The following ZNF181 variants were observed in gnomAD, a reference collection of about 807,000 sequenced individuals.
The protein encoded by ZNF181 is zinc finger protein 181.
In ZNF181, 8 loss-of-function variants were observed where a neutral mutation model predicts 11.9. That is an observed-to-expected ratio of 0.67 (90% CI 0.39 to 1.21). The LOEUF (loss-of-function observed/expected upper bound fraction) is 1.21, where lower values mean the gene tolerates loss of function less well. Among genes scored for constraint, ZNF181 ranks in the 50% most tolerant of loss-of-function variants. The probability of loss-of-function intolerance (pLI) is 0.01; values close to 1 mark genes in which losing one functional copy is unlikely to be tolerated. For synonymous variants in ZNF181, 202 were observed against 221.1 expected (o/e 0.91, Z 0.77); for missense variants, 542 against 670.9 (o/e 0.81, Z 2.12).
chr19:34,739,431 G>T, intron 2 of ZNF181, 92 bp from the exon 3 acceptor site: 1 of 1,575,562 alleles, frequency 6.3e-7, no homozygotes, highest in South Asian at 1.1e-5. Flanking sequence ...CCATTTCGAT[G>T]AATACCCTTC....
At position 34,741,941 on chromosome 19, in the gene ZNF181, T is replaced by C; in HGVS notation, c.1560T>C (p.Asn520=). 1.9e-6 allele frequency: 3 copies of C among 1,613,820 alleles called. No homozygotes were observed. The highest frequency in any genetic ancestry group is 2.2e-5 in the South Asian group (2 of 91,066). The part of the protein sequence containing the change: ...IHTGEKPYKC[N]ECGKAFSKGS... ...CTGGAGAAAAGCCATATAAATGTAA[T>C]GAGTGTGGGAAAGCTTTTAGCAAAG... Residue 520 remains asparagine (N), a synonymous_variant, in exon 4 of 4, where the codon AAT becomes AAC. Transcript: ENST00000492450.
intron 1 of ZNF181, chr19:34,736,253 A>G (rs1448334589): frequency 1.5e-6 from 1 of 687,142 alleles, no homozygotes; most frequent in African/African-American, 1.8e-5. Context: ...TTCTTGGAGA[A>G]GTTAGATAAT....
rs1353232953 is a variant in ZNF181, at chr19:34,734,849, G to A, written c.-189G>A. The A allele has an allele frequency of 1.0e-5, 6 of 586,530 alleles. No individual in the cohort carries two copies. The highest frequency in any genetic ancestry group is 5.8e-5 in the East Asian group (2 of 34,634). The allele number at this position is 586,530 out of a possible 1,614,324, so 36.3% of individuals were successfully genotyped here. On this transcript the variant is annotated 5_prime_UTR_variant, in exon 1 of 4. Transcript: ENST00000492450. Reference sequence around the variant, plus strand: ...GGAGAAACACCCTGTTAGTTCCCAGGGAGAGATTGGCGCCCTGGAGAGTGA... The same window carrying A: ...GGAGAAACACCCTGTTAGTTCCCAGAGAGAGATTGGCGCCCTGGAGAGTGA...
intron 1 of ZNF181, chr19:34,736,232 T>C: frequency 1.4e-6 from 1 of 694,610 alleles, no homozygotes; most frequent in Non-Finnish European, 2.6e-6. Context: ...ACATGTTGGG[T>C]GAAGTCTGTT....
chr19:34,740,794 T>G lies in ZNF181; in HGVS notation c.413T>G (p.Phe138Cys), dbSNP rs2068958209. ...AAGCATGGAAGTCAGGTAGACCATT[T>G]CAGACCAGCAATTCTCACCTCTAGA... ...EGKHGSQVDH[F>C]RPAILTSRES... The change falls in exon 4 of 4, where the codon TTC becomes TGC. Residue 138 changes from phenylalanine to cysteine, a missense_variant. By Grantham distance (205) the Phe-to-Cys change is radical. Coordinates refer to ENST00000492450, the MANE Select transcript of ZNF181 (RefSeq NM_001029997.4). 6.2e-7 allele frequency: 1 copy of G among 1,613,944 alleles called. No homozygotes were observed. Among genetic ancestry groups the G allele is most frequent in the Admixed American group, 1.7e-5 (1 of 59,972 alleles).
In ZNF181 at chr19:34,741,917, T is replaced by A; in HGVS notation, c.1536T>A (p.Thr512=). 1 of 1,613,876 alleles carries A rather than the reference T, an allele frequency of 6.2e-7. No individual in the cohort carries two copies. The highest frequency in any genetic ancestry group is 8.5e-7 in the Non-Finnish European group (1 of 1,179,898). ...SNLTVHQRIH[T]GEKPYKCNEC... ...TTACCGTACATCAGAGAATTCACAC[T>A]GGAGAAAAGCCATATAAATGTAATG... Residue 512 remains threonine, a synonymous_variant, in exon 4 of 4, where the codon ACT becomes ACA. Transcript: ENST00000492450.
chr19:34,739,751 A>G, intron 3 of ZNF181, 130 bp downstream of exon 3: 2 of 943,284 alleles, frequency 2.1e-6, no homozygotes, highest in Admixed American at 5.3e-5. Flanking sequence ...AGAAATGAAA[A>G]ATTGTGGGAT....
chr19:34,737,598 T>C (rs1667974355), intron 1 of ZNF181, among the ~76,000 whole-genome samples: 1 of 152,142 alleles, frequency 6.6e-6, no homozygotes, highest in Admixed American at 6.5e-5. Flanking sequence ...ATTTCCTTAT[T>C]TTCTTTGAAA....
intron 1 of ZNF181, chr19:34,736,235 A>C (rs759635013): frequency 2.9e-6 from 2 of 692,752 alleles, no homozygotes; most frequent in Non-Finnish European, 5.3e-6. Context: ...TGTTGGGTGA[A>C]GTCTGTTTTC....
intron 1 of ZNF181, among the ~76,000 whole-genome samples, chr19:34,738,490 A>G (rs867209189): frequency 1.3e-5 from 2 of 152,146 alleles, no homozygotes; most frequent in Admixed American, 6.5e-5. Context: ...GGGGGTCACA[A>G]TCAAACCATA....
At position 34,743,341 on chromosome 19, in the gene ZNF181, T is replaced by G. The variant is rs2069007132; in HGVS notation, c.*1244T>G. 6.6e-6 allele frequency: 1 copy of G among 152,192 alleles called. No homozygotes were observed. Among genetic ancestry groups the G allele is most frequent in the African/African-American group, 2.4e-5 (1 of 41,452 alleles). 9.4% of individuals were successfully genotyped at this position (152,192 alleles called of 1,614,324 possible). On this transcript the variant is annotated 3_prime_UTR_variant, in exon 4 of 4. Transcript: ENST00000492450. The stretch of plus-strand genomic sequence containing the variant: ...GATGTTATCTGACAAGAAAGATGGA[T>G]AGCAAATAAATTTGAAATAATGGTT...
chr19:34,741,344 T>A lies in ZNF181; in HGVS notation c.963T>A (p.Tyr321Ter), dbSNP rs888845341. The A allele has an allele frequency of 1.5e-5, 25 of 1,613,746 alleles. No individual in the cohort carries two copies. Among genetic ancestry groups the A allele is most frequent in the Non-Finnish European group, 2.0e-5 (24 of 1,179,802 alleles). ...GCACTCACACTGGAGAGAAACCATA[T>A]GAATGTATGAACTGTGGAAAGTCTT... Reference protein sequence around the residue: ...HQSTHTGEKPYECMNCGKSFS... With the variant: ...HQSTHTGEKP Residue 321 changes from tyrosine (Y) to a stop codon, truncating the protein, a stop_gained, in exon 4 of 4, where the codon TAT becomes TAA. Transcript: ENST00000492450. LOFTEE classifies it low-confidence loss of function (END_TRUNC).
chr19:34,734,796 T>G lies in ZNF181; in HGVS notation c.-242T>G. 2 of 508,888 alleles carry G rather than the reference T, an allele frequency of 3.9e-6. No individual in the cohort carries two copies. Among genetic ancestry groups the G allele is most frequent in the Middle Eastern group, 1.0e-3 (2 of 1,952 alleles). The allele number at this position is 508,888 out of a possible 1,614,324, so 31.5% of individuals were successfully genotyped here. A position where few individuals can be genotyped will look rare whatever the true frequency, so the allele number is the denominator to read the frequency against. On this transcript the variant is annotated 5_prime_UTR_variant, in exon 1 of 4. Transcript: ENST00000492450. ...CAGAGTAATTGATTTTCCTCGCAGG[T>G]GGCACCTGGTAAATGGTTAGCCCTT...
chr19:34,737,574 C>G (rs1018046385), intron 1 of ZNF181, among the ~76,000 whole-genome samples: 4 of 152,200 alleles, frequency 2.6e-5, no homozygotes, highest in African/African-American at 9.6e-5. Context: ...AATTTCTAAG[C>G]CACATCTGTG....
In ZNF181 at chr19:34,743,226, A is replaced by C. The variant is rs1175100951; in HGVS notation, c.*1129A>C. 3.9e-5 allele frequency: 6 copies of C among 152,204 alleles called. No individual in the cohort carries two copies. The highest frequency in any genetic ancestry group is 8.8e-5 in the Non-Finnish European group (6 of 68,028). 9.4% of individuals were successfully genotyped at this position (152,204 alleles called of 1,614,324 possible). A position where few individuals can be genotyped will look rare whatever the true frequency, so the allele number is the denominator to read the frequency against. Reference sequence around the variant, plus strand: ...GAGTTGATTTGAATTTGCATTTTTCATGCGTTCTTAGGCGACACACTGTCC... The same window carrying C: ...GAGTTGATTTGAATTTGCATTTTTCCTGCGTTCTTAGGCGACACACTGTCC... On this transcript the variant is annotated 3_prime_UTR_variant, in exon 4 of 4. Transcript: ENST00000492450.
chr19:34,735,964 CCA>C, intron 1 of ZNF181: 1 of 513,670 alleles, frequency 1.9e-6, no homozygotes, highest in Non-Finnish European at 3.4e-6. Flanking sequence ...TTGTTGTTTT[CCA>C]CAGTGTGTGT....
chr19:34,742,171 C>T lies in ZNF181; in HGVS notation c.*74C>T. 3 of 1,436,134 alleles carry T rather than the reference C, an allele frequency of 2.1e-6. No individual in the cohort carries two copies. The highest frequency in any genetic ancestry group is 3.0e-5 in the South Asian group (2 of 66,896). The allele number at this position is 1,436,134 out of a possible 1,614,324, so 89.0% of individuals were successfully genotyped here. A position where few individuals can be genotyped will look rare whatever the true frequency, so the allele number is the denominator to read the frequency against. On this transcript the variant is annotated 3_prime_UTR_variant, in exon 4 of 4. Coordinates refer to ENST00000492450, the MANE Select transcript of ZNF181 (RefSeq NM_001029997.4). The stretch of plus-strand genomic sequence containing the variant: ...TAGAAAAATTTATACTGGGGAAAGT[C>T]TTATGAATGTGGTGAATATAGGAAG...
chr19:34,736,817 G>A (rs1392414722), intron 1 of ZNF181, among the ~76,000 whole-genome samples: 2 of 152,234 alleles, frequency 1.3e-5, no homozygotes, highest in African/African-American at 2.4e-5. Context: ...TAAATGCCAG[G>A]ACAGATAGGC....
In ZNF181 at chr19:34,739,590, G is replaced by A. The variant is rs2068938173; in HGVS notation, c.198G>A (p.Met66Ile). 3 of 1,614,042 alleles carry A rather than the reference G, an allele frequency of 1.9e-6. No individual in the cohort carries two copies. The highest frequency in any genetic ancestry group is 1.3e-5 in the African/African-American group (1 of 75,008). ...LLEDGKEPWM[M>I]EKKLSKGMIP... ...AGGATGGAAAAGAGCCCTGGATGAT[G>A]GAGAAAAAACTGTCAAAAGGTATGA... The change falls in exon 3 of 4, where the codon ATG becomes ATA. Residue 66 changes from methionine (M) to isoleucine (I), a missense_variant. Met to Ile is a conservative substitution (Grantham distance 10). Coordinates refer to ENST00000492450, the MANE Select transcript of ZNF181 (RefSeq NM_001029997.4).
Sources: gnomAD v4.1 joint callset for allele counts (sites outside exome capture counted in the v4.1 genomes callset) on GRCh38, gnomAD v4.1.1 for gene constraint, MANE v1.5 for transcripts, NCBI Gene and HGNC (gene_info 2026-07-23, HGNC 2026-07-21) for gene names.